The following SCN10A variants were observed in gnomAD, a reference collection of about 807,000 sequenced individuals.
SCN10A encodes the protein sodium voltage-gated channel alpha subunit 10, also known as sodium channel protein type 10 subunit alpha.
In SCN10A, 162 loss-of-function variants were observed where a neutral mutation model predicts 170.7. The observed-to-expected ratio is 0.95, with a 90% CI of 0.84 to 1.08. The LOEUF is 1.08. Ranked by LOEUF, SCN10A falls within the 50% of genes least tolerant of loss-of-function variation. The pLI is 0.00. For synonymous variants in SCN10A, 985 were observed against 904.6 expected (o/e 1.09, Z -1.59); for missense variants, 2,527 against 2,436.9 (o/e 1.04, Z -0.78).
intron 15 of SCN10A, 115 bp downstream of exon 15, chr3:38,739,400 C>A (rs2063604943): frequency 5.3e-6 from 5 of 935,470 alleles, no homozygotes; most frequent in Non-Finnish European, 7.9e-6. Flanking sequence ...AGACCCTGCT[C>A]CCTCCCACAA....
At chr3:38,712,514 T>C (rs958159322) in intron 22 of SCN10A, 69 bp from the exon 23 acceptor site, 22 of 1,511,650 alleles carry the variant, frequency 1.5e-5, no homozygotes, top group Non-Finnish European at 1.7e-5. Context: ...TCTATCTCTT[T>C]CTATACTCAT....
intron 4 of SCN10A, among the ~76,000 whole-genome samples, chr3:38,773,160 T>C (rs2064029554): frequency 6.6e-6 from 1 of 152,302 alleles, no homozygotes; most frequent in Non-Finnish European, 1.5e-5. Context: ...TACTTCTTAG[T>C]TACCCTTCTA....
rs2063480931 is a variant in SCN10A, at chr3:38,728,572, G to C, written c.2610C>G (p.Phe870Leu). Residue 870 changes from phenylalanine to leucine, a missense_variant, in exon 16 of 28, where the codon TTC (phenylalanine) becomes TTG (leucine). Transcript: ENST00000449082. ...VGQKSICLILFLTVMVLGNLV... is the reference protein window; with the variant it reads ...VGQKSICLILLLTVMVLGNLV... Reference sequence around the variant, plus strand: ...GGTTCCCTAGCACCATCACCGTCAAGAAAAGGATGAGGCATATGGATTTTT... The same window carrying C: ...GGTTCCCTAGCACCATCACCGTCAACAAAAGGATGAGGCATATGGATTTTT... 9 of 1,601,616 alleles carry C rather than the reference G, an allele frequency of 5.6e-6. No homozygotes were observed. The East Asian group carries it at 2.0e-4, about 36-fold the overall frequency.
In SCN10A at chr3:38,752,353, C is replaced by T. The variant is rs1315864029; in HGVS notation, c.1621G>A (p.Gly541Arg). The change falls in exon 12 of 28, where the codon GGG becomes AGG. Residue 541 changes from glycine (G) to arginine (R), a missense_variant. Physicochemically the swap from Gly to Arg is moderately radical, Grantham distance 125. Transcript: ENST00000449082. ...AGGGGGCCTTGCTGGCCAGCACCCC[C>T]ACCCAGCAGCAGAGAGCCCCGATGG... ...ESHRGSLLLG[G>R]GAGQQGPLPR... 14 of 1,613,824 alleles carry T rather than the reference C, an allele frequency of 8.7e-6. No homozygotes were observed. Among genetic ancestry groups the T allele is most frequent in the Non-Finnish European group, 1.2e-5 (14 of 1,179,872 alleles).
intron 3 of SCN10A, among the ~76,000 whole-genome samples, chr3:38,789,723 T>G (rs2064256088): frequency 6.6e-6 from 1 of 150,570 alleles, no homozygotes. Flanking sequence ...ATAGCTAGAG[T>G]GGAGAATATT....
chr3:38,716,734 A>G (rs183565671), intron 21 of SCN10A, among the ~76,000 whole-genome samples: 1 of 152,354 alleles, frequency 6.6e-6, no homozygotes, highest in Admixed American at 6.5e-5. Flanking sequence ...AAAGCAGGGA[A>G]TAGTGAATGG....
chr3:38,794,666 C>G (rs934388612), intron 1 of SCN10A, among the ~76,000 whole-genome samples: 1 of 152,164 alleles, frequency 6.6e-6, no homozygotes, highest in Non-Finnish European at 1.5e-5. Context: ...TCACCCTTAT[C>G]CTAAATCCCA....
chr3:38,703,245 T>A (rs2063175588), intron 26 of SCN10A, among the ~76,000 whole-genome samples: 1 of 152,254 alleles, frequency 6.6e-6, no homozygotes, highest in Non-Finnish European at 1.5e-5. Flanking sequence ...GGTGAGGCTC[T>A]TGGCCATATT....
intron 1 of SCN10A, among the ~76,000 whole-genome samples, chr3:38,800,649 G>T (rs559825905): frequency 1.3e-5 from 2 of 152,144 alleles, no homozygotes; most frequent in East Asian, 3.9e-4. Flanking sequence ...CTCCCCAGAG[G>T]TTTTTTTGGG....
rs371262603 is a variant in SCN10A, at chr3:38,757,981, G to A, written c.951-822C>T. On this transcript the variant is annotated intron_variant, in intron 8 of 27. Transcript: ENST00000449082. ...CCCTAGCAGAGATGGCCTGATCAAT[G>A]AAACAGCAATGCCTCGTTTGAAGTC... Among the ~76,000 whole-genome samples, 30 of 152,288 alleles carry A rather than the reference G, an allele frequency of 2.0e-4. No homozygotes were observed. The East Asian group carries it at 3.9e-3, about 20-fold the overall frequency.
intron 5 of SCN10A, among the ~76,000 whole-genome samples, chr3:38,769,633 C>A (rs184472270): frequency 3.5e-4 from 53 of 152,174 alleles, no homozygotes; most frequent in African/African-American, 1.3e-3. Context: ...GTTATTGAAC[C>A]CTCTTTTGTC....
chr3:38,758,912 C>A (rs1293513466), intron 8 of SCN10A, among the ~76,000 whole-genome samples: 4 of 152,176 alleles, frequency 2.6e-5, no homozygotes, highest in African/African-American at 9.7e-5. Flanking sequence ...ATGCCATTAT[C>A]TAGACAGAAG....
At chr3:38,752,593 C>T in intron 11 of SCN10A, 81 bp from the exon 12 acceptor site, 1 of 1,173,650 alleles carries the variant, frequency 8.5e-7, no homozygotes, top group Non-Finnish European at 1.2e-6. Context: ...CCTCTACCTA[C>T]TCCCATTTCC....
chr3:38,815,555 C>T (rs1203351454), intron 1 of SCN10A, among the ~76,000 whole-genome samples: 1 of 152,216 alleles, frequency 6.6e-6, no homozygotes, highest in Non-Finnish European at 1.5e-5. Context: ...GACAAAACGT[C>T]TTGCTGAAGC....
At chr3:38,790,071 C>G (rs1245536912) in intron 3 of SCN10A, among the ~76,000 whole-genome samples, 1 of 151,976 alleles carries the variant, frequency 6.6e-6, no homozygotes, top group East Asian at 1.9e-4. Context: ...AAGGAAAATT[C>G]TATTAATTAA....
At chr3:38,799,493 G>A (rs534383109) in intron 1 of SCN10A, among the ~76,000 whole-genome samples, 2 of 152,080 alleles carry the variant, frequency 1.3e-5, no homozygotes, top group Non-Finnish European at 2.9e-5. Flanking sequence ...ATGTTTTATT[G>A]TTCTTTTTAT....
At chr3:38,736,962 C>CGTTTTTTTTT (rs2063568033) in intron 15 of SCN10A, among the ~76,000 whole-genome samples, 6 of 69,242 alleles carry the variant, frequency 8.7e-5, no homozygotes, top group East Asian at 9.2e-4. Flanking sequence ...CAGAAATGTT[C>CGTTTTTTTTT]GTTTTTTTTT....
chr3:38,750,654 G>T (rs912653939), intron 12 of SCN10A, among the ~76,000 whole-genome samples: 2 of 152,198 alleles, frequency 1.3e-5, no homozygotes, highest in African/African-American at 2.4e-5. Flanking sequence ...GAGATAAGGA[G>T]GCTTGGATAA....
At chr3:38,719,694 C>G (rs12497868) in intron 20 of SCN10A, among the ~76,000 whole-genome samples, 2,352 of 152,160 alleles carry the variant, frequency 0.015, 66 homozygotes, top group Admixed American at 0.064. Context: ...CGCCCGGCCA[C>G]TCTTACAAGT....
Sources: allele counts gnomAD v4.1 joint callset (sites outside exome capture counted in the v4.1 genomes callset), GRCh38; gene constraint gnomAD v4.1.1; transcripts MANE v1.5; gene names NCBI Gene and HGNC (gene_info 2026-07-23, HGNC 2026-07-21).